The following TSC2 variants were observed in gnomAD, a reference collection of about 807,000 sequenced individuals.
TSC2 encodes the protein TSC complex subunit 2, also known as tuberin.
A neutral mutation model predicts 202.2 loss-of-function variants in TSC2; 29 were observed. That is an observed-to-expected ratio of 0.14 (90% CI 0.11 to 0.20). The LOEUF (loss-of-function observed/expected upper bound fraction) is 0.20, where lower values mean the gene tolerates loss of function less well. Among genes scored for constraint, TSC2 ranks in the 10% least tolerant of loss-of-function variants. TSC2 has a pLI of 1.00. For synonymous variants in TSC2, 1,349 were observed against 1,044.0 expected, an observed-to-expected ratio of 1.29 and a Z score of -5.63; for missense variants, 2,429 against 2,420.0, an observed-to-expected ratio of 1.00 and a Z score of -0.08.
At chr16:2,077,302 TG>T (rs772668149) in intron 25 of TSC2, 15 of 428,314 alleles carry the variant, frequency 3.5e-5, no homozygotes, top group Non-Finnish European at 5.7e-5. Flanking sequence ...GAATCTGCCG[TG>T]GGGGTGACCC....
In TSC2 at chr16:2,088,937, G is replaced by A. The variant is rs577103612; in HGVS notation, c.*327G>A. On this transcript the variant is annotated 3_prime_UTR_variant, in exon 42 of 42. Coordinates refer to ENST00000219476, the MANE Select transcript of TSC2 (RefSeq NM_000548.5). ...CACCCTGGGAGCCAGCCCCCAGGAGGAGTCTTTTCCTCTAACCACCCTGGG... is the reference window on the plus strand; with the variant it reads ...CACCCTGGGAGCCAGCCCCCAGGAGAAGTCTTTTCCTCTAACCACCCTGGG... 1,757 of 377,202 alleles carry A rather than the reference G, an allele frequency of 4.7e-3. 6 individuals are homozygous for A. The highest frequency in any genetic ancestry group is 5.9e-3 in the Non-Finnish European group (1,200 of 202,448). The allele number at this position is 377,202 out of a possible 1,614,324, so 23.4% of individuals were successfully genotyped here. A position where few individuals can be genotyped will look rare whatever the true frequency, so the allele number is the denominator to read the frequency against.
rs1055089766 is a variant in TSC2 at position 2,075,882 on chromosome 16, A to T, written c.2629A>T (p.Asn877Tyr). 6.2e-7 allele frequency: 1 copy of T among 1,613,022 alleles called. No homozygotes were observed. The highest frequency in any genetic ancestry group is 8.5e-7 in the Non-Finnish European group (1 of 1,179,998). ...SVFAISLPYT[N>Y]PSKFNQYIVC... ...GTTCGCCATCTCCCTGCCGTACACC[A>T]ACCCCTCCAAGTGAGTGGTCGCCCC... Residue 877 changes from asparagine to tyrosine, a missense_variant, in exon 23 of 42, where the codon AAC (asparagine) becomes TAC (tyrosine). By Grantham distance (143) the Asn-to-Tyr change is moderately radical (BLOSUM62 -2). Transcript: ENST00000219476.
intron 9 of TSC2, 52 bp from the exon 10 acceptor site, chr16:2,058,695 A>G (rs2086212479): frequency 1.3e-6 from 2 of 1,551,956 alleles, no homozygotes; most frequent in African/African-American, 2.7e-5. Context: ...TCCATGGCGG[A>G]CCCTGGGACA....
rs1264878833 is a variant in TSC2, at chr16:2,078,943, G to A, written c.2967-89G>A. On this transcript the variant is annotated intron_variant, in intron 26 of 41. Coordinates refer to ENST00000219476, the MANE Select transcript of TSC2 (RefSeq NM_000548.5). Reference sequence around the variant, plus strand: ...GTCTTTCCGAGCGAGGTCCTCAGCCGTGCATGCGTTGAGCTTTGGCCCTTG... The same window carrying A: ...GTCTTTCCGAGCGAGGTCCTCAGCCATGCATGCGTTGAGCTTTGGCCCTTG... 1.5e-5 allele frequency: 24 copies of A among 1,569,312 alleles called. No individual in the cohort carries two copies. The East Asian group carries it at 2.7e-4, about 18-fold the overall frequency.
At chr16:2,051,180 C>A (rs1044280306) in intron 3 of TSC2, among the ~76,000 whole-genome samples, 2 of 151,932 alleles carry the variant, frequency 1.3e-5, no homozygotes, top group African/African-American at 4.8e-5. Flanking sequence ...ATGAGCCGGG[C>A]ATGGTGGCAC....
intron 21 of TSC2, 97 bp from the exon 22 acceptor site, chr16:2,074,103 G>C: frequency 6.6e-7 from 1 of 1,516,388 alleles, no homozygotes; most frequent in Non-Finnish European, 9.0e-7. Flanking sequence ...GCTAAGCCTC[G>C]GCTGTTCTCC....
chr16:2,054,555 G>T, intron 5 of TSC2, 115 bp downstream of exon 5: 1 of 1,490,566 alleles, frequency 6.7e-7, no homozygotes, highest in Non-Finnish European at 9.2e-7. Flanking sequence ...CCTGCAGCGG[G>T]TATGCCCACC....
In TSC2 at chr16:2,079,910, C is replaced by T. The variant is rs1218594806; in HGVS notation, c.3397+241C>T. On this transcript the variant is annotated intron_variant, in intron 29 of 41. Coordinates refer to ENST00000219476, the MANE Select transcript of TSC2 (RefSeq NM_000548.5). This position sits in a 1 kb window ranked among gnomAD's most constrained non-coding sequence, Gnocchi z 4.6. ...GCTGGTGTTTCCTGCGGGTTTTCAG[C>T]TCGGCTCAGTCCTGGAGCCCTTCTC... Among the ~76,000 whole-genome samples, 3 of 152,190 alleles carry T rather than the reference C, an allele frequency of 2.0e-5. No homozygotes were observed. Among genetic ancestry groups the T allele is most frequent in the African/African-American group, 7.2e-5 (3 of 41,454 alleles).
chr16:2,085,710 C>G (rs1355089738), intron 36 of TSC2, among the ~76,000 whole-genome samples: 2 of 152,214 alleles, frequency 1.3e-5, no homozygotes, highest in African/African-American at 4.8e-5. Context: ...CCAGCTTGAG[C>G]ACTGGTGCTG....
chr16:2,050,854 T>G (rs2085024428), intron 3 of TSC2, among the ~76,000 whole-genome samples: 1 of 151,942 alleles, frequency 6.6e-6, no homozygotes, highest in Non-Finnish European at 1.5e-5. Flanking sequence ...CCCAAAGTGC[T>G]GGGATTACAG....
Position 2,076,591 on chromosome 16 carries a change from G to T in TSC2, c.2837+6G>T. On this transcript the variant is annotated splice_donor_region_variant and intron_variant, in intron 25 of 41. Coordinates refer to ENST00000219476, the MANE Select transcript of TSC2 (RefSeq NM_000548.5). ...CTCAACGAGAGACCCAAGAGGTACG[G>T]CCTGCGGGGGTGTGCCTGGAGTCGG... 1 of 1,613,022 alleles carries T rather than the reference G, an allele frequency of 6.2e-7. No individual in the cohort carries two copies. Among genetic ancestry groups the T allele is most frequent in the Non-Finnish European group, 8.5e-7 (1 of 1,179,908 alleles).
chr16:2,052,569 C>A (rs544733640), intron 3 of TSC2, among the ~76,000 whole-genome samples: 1 of 152,126 alleles, frequency 6.6e-6, no homozygotes, highest in African/African-American at 2.4e-5. Flanking sequence ...CTCTGCCACC[C>A]GAAGTGCTGA....
At chr16:2,087,430 C>T (rs976511649) in intron 38 of TSC2, among the ~76,000 whole-genome samples, 14 of 146,978 alleles carry the variant, frequency 9.5e-5, no homozygotes, top group African/African-American at 3.3e-4. Context: ...AGTCAGAGTC[C>T]AGGAGGGGCA....
rs370338085 is a variant in TSC2, at chr16:2,088,133, C to T, written c.5154C>T (p.His1718=). Residue 1718 remains histidine (H), a synonymous_variant, in exon 40 of 42, where the codon CAC becomes CAT. Coordinates refer to ENST00000219476, the MANE Select transcript of TSC2 (RefSeq NM_000548.5). The part of the protein sequence containing the change: ...LPFVARQMAL[H]ANMASQVHHS... ...TCGTGGCCCGCCAGATGGCCCTGCACGCAAATGTGAGTGGGGGTGGGTCCA... is the reference window on the plus strand; with the variant it reads ...TCGTGGCCCGCCAGATGGCCCTGCATGCAAATGTGAGTGGGGGTGGGTCCA... 2.2e-5 allele frequency: 35 copies of T among 1,613,016 alleles called. No individual in the cohort carries two copies. Among genetic ancestry groups the T allele is most frequent in the East Asian group, 1.1e-4 (5 of 44,880 alleles).
At position 2,080,124 on chromosome 16, in the gene TSC2, C is replaced by T. The variant is rs541890346; in HGVS notation, c.3398-41C>T. ...CAGCTTGAGGCTGGTGGTTTTGCAT[C>T]AGGTAAGTGGTGGTCACCAGTCCTC... On this transcript the variant is annotated intron_variant, in intron 29 of 41. Transcript: ENST00000219476. The T allele has an allele frequency of 2.5e-6, 4 of 1,609,006 alleles. No individual in the cohort carries two copies. In the East Asian group the frequency reaches 6.7e-5, roughly 27 times the overall value.
At chr16:2,074,711 C>T (rs897325467) in intron 22 of TSC2, 7 of 437,756 alleles carry the variant, frequency 1.6e-5, no homozygotes, top group Non-Finnish European at 2.6e-5. Context: ...GGGCTTTGTT[C>T]GCTTCCCCCA....
At position 2,088,904 on chromosome 16, in the gene TSC2, C is replaced by A. The variant is rs778239438; in HGVS notation, c.*294C>A. 9.5e-6 allele frequency: 4 copies of A among 420,128 alleles called. No individual in the cohort carries two copies. In the East Asian group the frequency reaches 1.3e-4, roughly 14 times the overall value. 26.0% of individuals were successfully genotyped at this position (420,128 alleles called of 1,614,324 possible). On this transcript the variant is annotated 3_prime_UTR_variant, in exon 42 of 42. Transcript: ENST00000219476. ...GCGCACACACACACACACACAGTCACCTTCCTCCACCCTGGGAGCCAGCCC... is the reference window on the plus strand; with the variant it reads ...GCGCACACACACACACACACAGTCAACTTCCTCCACCCTGGGAGCCAGCCC...
In TSC2 at chr16:2,088,686, TGCACAGACATAGAG is replaced by T. The variant is rs1277138382; in HGVS notation, c.*84_*97del. 1 of 1,517,680 alleles carries T rather than the reference TGCACAGACATAGAG, an allele frequency of 6.6e-7. No homozygotes were observed. Among genetic ancestry groups the T allele is most frequent in the Admixed American group, 2.0e-5 (1 of 50,870 alleles). 94.0% of individuals were successfully genotyped at this position (1,517,680 alleles called of 1,614,324 possible). On this transcript the variant is annotated 3_prime_UTR_variant, in exon 42 of 42. Transcript: ENST00000219476. The stretch of plus-strand genomic sequence containing the variant: ...GAAATAAATAAAGTCCTGACCCCAG[TGCACAGACATAGAG>T]GCACAGATTGCAGTCAGACAGCTCT...
At chr16:2,082,328 G>A (rs898741633) in intron 31 of TSC2, 108 bp from the exon 32 acceptor site, 16 of 1,352,284 alleles carry the variant, frequency 1.2e-5, no homozygotes, top group South Asian at 3.5e-5. Context: ...CCTGCCGGCC[G>A]CTGGCCCTGC....
Sources: gnomAD v4.1 joint callset for allele counts (sites outside exome capture counted in the v4.1 genomes callset) on GRCh38, gnomAD v4.1.1 for gene constraint, Gnocchi (gnomAD v3.1) non-coding constraint, MANE v1.5 for transcripts, NCBI Gene and HGNC (gene_info 2026-07-23, HGNC 2026-07-21) for gene names.